The following MIER1 variants were observed in gnomAD, a reference collection of about 807,000 sequenced individuals.
The protein encoded by MIER1 is MIER1 transcriptional regulator.
Under a neutral mutation model 75.7 loss-of-function variants are expected in MIER1, and 40 were observed. The observed-to-expected ratio is 0.53, with a 90% CI of 0.41 to 0.69. The LOEUF (loss-of-function observed/expected upper bound fraction) is 0.69, where lower values mean the gene tolerates loss of function less well. Among genes scored for constraint, MIER1 ranks in the 30% least tolerant of loss-of-function variants. The pLI is 0.00. For synonymous variants in MIER1, 213 were observed against 223.4 expected, an observed-to-expected ratio of 0.95 and a Z score of 0.42; for missense variants, 574 against 680.2, an observed-to-expected ratio of 0.84 and a Z score of 1.74.
chr1:66,963,181 C>T (rs373228736), intron 8 of MIER1, 21 bp downstream of exon 8: 19 of 1,460,284 alleles, frequency 1.3e-5, no homozygotes, highest in South Asian at 3.4e-5. Flanking sequence ...AGTAAAGTTA[C>T]GTAGCTGAAT....
rs543033843 is a variant in MIER1, at chr1:66,967,049, G to A, written c.773-3759G>A. Among the ~76,000 whole-genome samples, 215 of 152,236 alleles carry A rather than the reference G, an allele frequency of 1.4e-3. 4 individuals are homozygous for A. Among genetic ancestry groups the A allele is most frequent in the Non-Finnish European group, 2.0e-3 (137 of 68,008 alleles). ...TTGTCTATTTTTGCTTTGGTTGCCT[G>A]TGCTTGTGGGGTATTATTCAGGAAG... On this transcript the variant is annotated intron_variant, in intron 8 of 13. Coordinates refer to ENST00000401041, the MANE Select transcript of MIER1 (RefSeq NM_001077700.3).
At chr1:66,941,737 A>T (rs1222627850) in intron 3 of MIER1, among the ~76,000 whole-genome samples, 2 of 152,138 alleles carry the variant, frequency 1.3e-5, no homozygotes, top group Non-Finnish European at 2.9e-5. Context: ...TTGGGAGGCC[A>T]AGACGGATGG....
intron 8 of MIER1, 104 bp downstream of exon 8, chr1:66,963,264 C>T (rs897224919): frequency 1.3e-5 from 9 of 708,632 alleles, no homozygotes; most frequent in East Asian, 2.8e-5. Context: ...TACTAAGTAA[C>T]CCCATTGTAA....
chr1:66,927,600 AAAG>A (rs1407162008), intron 2 of MIER1, among the ~76,000 whole-genome samples: 2 of 152,268 alleles, frequency 1.3e-5, no homozygotes, highest in East Asian at 3.9e-4. Context: ...ATTTGGATAC[AAAG>A]AAGATATCTG....
At chr1:66,982,853 C>T (rs11810986) in intron 13 of MIER1, among the ~76,000 whole-genome samples, 11,309 of 152,218 alleles carry the variant, frequency 0.074, 525 homozygotes, top group African/African-American at 0.13. Flanking sequence ...TAACTATGTC[C>T]TGGTCCAAGA....
chr1:66,940,136 A>G (rs756864902), intron 3 of MIER1, 84 bp downstream of exon 3: 2 of 968,242 alleles, frequency 2.1e-6, no homozygotes, highest in Non-Finnish European at 3.2e-6. Context: ...GAGTTAGACT[A>G]TTATCTGACT....
chr1:66,933,141 A>G (rs923192707), intron 2 of MIER1, among the ~76,000 whole-genome samples: 6 of 152,148 alleles, frequency 3.9e-5, no homozygotes, highest in African/African-American at 1.4e-4. Flanking sequence ...CAACCTTCTA[A>G]AAGGACGCTC....
intron 11 of MIER1, among the ~76,000 whole-genome samples, chr1:66,974,817 C>G (rs570965569): frequency 3.3e-5 from 5 of 152,192 alleles, no homozygotes; most frequent in African/African-American, 7.2e-5. Context: ...GTTTTTATGT[C>G]TGGAATTAAA....
intron 4 of MIER1, chr1:66,947,035 T>C: frequency 1.0e-6 from 1 of 978,876 alleles, no homozygotes; most frequent in Non-Finnish European, 1.2e-6. Flanking sequence ...CCTCAAAATG[T>C]AGTATGAGGG....
chr1:66,952,884 A>G (rs567658732), intron 4 of MIER1, among the ~76,000 whole-genome samples: 1 of 152,252 alleles, frequency 6.6e-6, no homozygotes, highest in South Asian at 2.1e-4. Context: ...AGCTCAAGTG[A>G]TCTGCCTACC....
chr1:66,968,783 A>G (rs17444485), intron 8 of MIER1, among the ~76,000 whole-genome samples: 265 of 152,306 alleles, frequency 1.7e-3, no homozygotes, highest in Non-Finnish European at 3.2e-3. Flanking sequence ...GTAAGTTATC[A>G]TTTATACTAA....
intron 3 of MIER1, among the ~76,000 whole-genome samples, chr1:66,945,598 A>G (rs1361351267): frequency 1.3e-5 from 2 of 152,146 alleles, no homozygotes; most frequent in East Asian, 1.9e-4. Flanking sequence ...AGGGCCAGGT[A>G]CACCTGTAAT....
At chr1:66,930,588 T>G (rs1326411402) in intron 2 of MIER1, among the ~76,000 whole-genome samples, 1 of 149,246 alleles carries the variant, frequency 6.7e-6, no homozygotes, top group South Asian at 2.1e-4. Flanking sequence ...GGTCCGGGGG[T>G]AGGAGGAAGC....
chr1:66,972,785 A>G, intron 10 of MIER1, 112 bp from the exon 11 acceptor site: 1 of 609,110 alleles, frequency 1.6e-6, no homozygotes, highest in Non-Finnish European at 2.9e-6. Context: ...AGAGCTCAGG[A>G]GTAAAATGCT....
intron 12 of MIER1, among the ~76,000 whole-genome samples, chr1:66,980,596 A>C (rs535228656): frequency 6.6e-6 from 1 of 152,274 alleles, no homozygotes; most frequent in South Asian, 2.1e-4. Flanking sequence ...TTTCCTTCTT[A>C]TTTACCCTGC....
At chr1:66,982,309 A>G (rs559088944) in intron 13 of MIER1, among the ~76,000 whole-genome samples, 1 of 152,276 alleles carries the variant, frequency 6.6e-6, no homozygotes, top group South Asian at 2.1e-4. Context: ...TAAGGTAACA[A>G]GTGCACTGTT....
At chr1:66,949,908 A>G (rs1049829798) in intron 4 of MIER1, among the ~76,000 whole-genome samples, 4 of 137,076 alleles carry the variant, frequency 2.9e-5, no homozygotes, top group Non-Finnish European at 6.2e-5. Flanking sequence ...AGTTCATTCA[A>G]TTTGAATTCT....
chr1:66,956,838 C>G (rs1276913421), intron 4 of MIER1, among the ~76,000 whole-genome samples: 1 of 152,178 alleles, frequency 6.6e-6, no homozygotes, highest in Non-Finnish European at 1.5e-5. Flanking sequence ...CTAAGAAAAT[C>G]TTTTCAAATG....
At chr1:66,969,491 G>A (rs1238981674) in intron 8 of MIER1, among the ~76,000 whole-genome samples, 2 of 131,422 alleles carry the variant, frequency 1.5e-5, no homozygotes, top group African/African-American at 5.4e-5. Context: ...GTTGCAGTGA[G>A]CCAAGATCGC....
Sources: gnomAD v4.1 joint callset for allele counts (sites outside exome capture counted in the v4.1 genomes callset) on GRCh38, gnomAD v4.1.1 for gene constraint, MANE v1.5 for transcripts, NCBI Gene and HGNC (gene_info 2026-07-23, HGNC 2026-07-21) for gene names.